KLC1: variants seen among roughly 807,000 people sequenced by gnomAD.
KLC1 encodes kinesin 2 60/70kDa.
In KLC1, 30 loss-of-function variants were observed where a neutral mutation model predicts 84.2. The observed-to-expected ratio is 0.36, with a 90% confidence interval of 0.27 to 0.48. KLC1 has a LOEUF of 0.48. Ranked by LOEUF, KLC1 falls within the 20% of genes least tolerant of loss-of-function variation. The pLI is 0.99. For synonymous variants in KLC1, 289 were observed against 293.3 expected (o/e 0.99, Z 0.15); for missense variants, 499 against 805.4 (o/e 0.62, Z 4.60).
At chr14:103,667,548 C>T (rs1460939263) in intron 5 of KLC1, among the ~76,000 whole-genome samples, 3 of 151,492 alleles carry the variant, frequency 2.0e-5, no homozygotes, top group Non-Finnish European at 4.4e-5. Context: ...GTTGCCCAGG[C>T]TTGTCTTGAA....
chr14:103,679,543 G>T lies in KLC1; in HGVS notation c.1648G>T (p.Gly550Trp), dbSNP rs772949267. 3.1e-6 allele frequency: 5 copies of T among 1,612,996 alleles called. No homozygotes were observed. In the Admixed American group the frequency reaches 8.3e-5, roughly 27 times the overall value. Residue 550 changes from glycine (G) to tryptophan (W), a missense_variant and splice_region_variant, in exon 13 of 17, where the codon GGG becomes TGG. By Grantham distance (184) the Gly-to-Trp change is radical. Coordinates refer to ENST00000334553, the MANE Select transcript of KLC1 (RefSeq NM_001394837.1). ...AGTGAGTATGAGCGTAGAGTGGAAC[G>T]GGGTAAGTACAGTACACAGCGGGCA... ...EEVSMSVEWN[G>W]DGTGSLKRSG...
At chr14:103,660,494 A>C (rs955185567) in intron 3 of KLC1, among the ~76,000 whole-genome samples, 7 of 151,056 alleles carry the variant, frequency 4.6e-5, no homozygotes, top group Middle Eastern at 3.4e-3. Flanking sequence ...AAAGAAAAAA[A>C]AAAAAAAAAT....
intron 15 of KLC1, chr14:103,696,831 C>T: frequency 1.0e-6 from 1 of 985,438 alleles, no homozygotes; most frequent in Non-Finnish European, 1.2e-6. Context: ...ATGGCCCTGG[C>T]CTGGAACTGT....
At chr14:103,660,850 T>G (rs1354774295) in intron 3 of KLC1, among the ~76,000 whole-genome samples, 2 of 151,782 alleles carry the variant, frequency 1.3e-5, no homozygotes, top group African/African-American at 4.8e-5. Flanking sequence ...TGCTCTAGAG[T>G]GCTATGGAAA....
intron 15 of KLC1, chr14:103,699,159 C>T (rs2082868837): frequency 1.9e-6 from 3 of 1,569,990 alleles, no homozygotes; most frequent in Non-Finnish European, 1.7e-6. Context: ...CTGCGCCCTG[C>T]TCCTCCATGG....
intron 12 of KLC1, 178 bp from the exon 13 acceptor site, chr14:103,679,206 G>T (rs754973753): frequency 1.8e-5 from 13 of 729,082 alleles, no homozygotes; most frequent in Non-Finnish European, 2.4e-5. Context: ...GGGGTCCTTT[G>T]TGTTTCCAGT....
chr14:103,679,912 T>G (rs997123015), intron 13 of KLC1: 2 of 188,846 alleles, frequency 1.1e-5, no homozygotes, highest in Non-Finnish European at 2.2e-5. Context: ...TGCTCCTAAC[T>G]TCACTGACCA....
At chr14:103,660,750 C>G (rs920590675) in intron 3 of KLC1, among the ~76,000 whole-genome samples, 1 of 151,988 alleles carries the variant, frequency 6.6e-6, no homozygotes, top group Non-Finnish European at 1.5e-5. Flanking sequence ...AAGATCATGC[C>G]GCTGTACTCC....
In KLC1 at chr14:103,662,815, T is replaced by C; in HGVS notation, c.685T>C (p.Tyr229His). 6.2e-7 allele frequency: 1 copy of C among 1,612,542 alleles called. No homozygotes were observed. ...LVIQYASQGR[Y>H]EVAVPLCKQA... Reference sequence around the variant, plus strand: ...GATCCAGTACGCCTCGCAGGGGCGCTACGAGGTAGCTGTGCCCCTCTGCAA... The same window carrying C: ...GATCCAGTACGCCTCGCAGGGGCGCCACGAGGTAGCTGTGCCCCTCTGCAA... The change falls in exon 5 of 17, where the codon TAC becomes CAC. Residue 229 changes from tyrosine to histidine, a missense_variant. Tyr to His is a moderately conservative substitution (Grantham distance 83). Coordinates refer to ENST00000334553, the MANE Select transcript of KLC1 (RefSeq NM_001394837.1).
intron 9 of KLC1, among the ~76,000 whole-genome samples, chr14:103,674,405 C>T (rs796713570): frequency 3.4e-5 from 5 of 146,306 alleles, no homozygotes; most frequent in Admixed American, 2.1e-4. Context: ...AATATTGATT[C>T]GTATGCTTGT....
At chr14:103,633,521 G>T (rs1314838985) in intron 1 of KLC1, among the ~76,000 whole-genome samples, 1 of 152,136 alleles carries the variant, frequency 6.6e-6, no homozygotes, top group Non-Finnish European at 1.5e-5. Context: ...GAAGCTAGGT[G>T]GGGGCAGGGG....
chr14:103,696,091 C>CGGGGGGGGGGGGGGGGGGGGGGCG, intron 15 of KLC1: 1 of 744,682 alleles, frequency 1.3e-6, no homozygotes, highest in Non-Finnish European at 1.5e-6. Flanking sequence ...ATAATCACTG[C>CGGGGGGGGGGGGGGGGGGGGGGCG]GCCCCCGCCC....
chr14:103,695,693 G>A (rs1046037732), intron 15 of KLC1: 11 of 985,460 alleles, frequency 1.1e-5, no homozygotes, highest in Admixed American at 6.1e-5. Context: ...GTGCAGACGA[G>A]GTTGTGTGGG....
intron 3 of KLC1, among the ~76,000 whole-genome samples, chr14:103,660,721 T>G (rs974428650): frequency 3.4e-5 from 5 of 147,862 alleles, no homozygotes; most frequent in Admixed American, 2.0e-4. Context: ...AACCTGGGAG[T>G]TGGAGGTTGC....
In KLC1 at chr14:103,694,766, T is replaced by G; in HGVS notation, c.1848+2341T>G. 1 of 985,488 alleles carries G rather than the reference T, an allele frequency of 1.0e-6. No individual in the cohort carries two copies. The highest frequency in any genetic ancestry group is 1.2e-6 in the Non-Finnish European group (1 of 829,944). The allele number at this position is 985,488 out of a possible 1,614,324, so 61.0% of individuals were successfully genotyped here. A position where few individuals can be genotyped will look rare whatever the true frequency, so the allele number is the denominator to read the frequency against. On this transcript the variant is annotated intron_variant, in intron 15 of 16. Coordinates refer to ENST00000334553, the MANE Select transcript of KLC1 (RefSeq NM_001394837.1). This position sits in a 1 kb window ranked among gnomAD's most constrained non-coding sequence, Gnocchi z 4.5. ...GTGGCACAGCAGAGGCTCACACTTG[T>G]CACCTTCAGCCTCTAGAAGCTCCCC...
chr14:103,650,494 G>A (rs1370416999), intron 1 of KLC1, among the ~76,000 whole-genome samples: 1 of 151,954 alleles, frequency 6.6e-6, no homozygotes, highest in East Asian at 1.9e-4. Flanking sequence ...CTGGCAAAAT[G>A]TTTGAGTCAA....
intron 5 of KLC1, among the ~76,000 whole-genome samples, chr14:103,663,895 A>G (rs1006164020): frequency 5.9e-5 from 9 of 152,190 alleles, no homozygotes; most frequent in African/African-American, 2.2e-4. Context: ...TTGAAGAGAA[A>G]TGCGGTGATA....
chr14:103,646,494 T>A (rs2151408400), intron 1 of KLC1, among the ~76,000 whole-genome samples: 1 of 152,186 alleles, frequency 6.6e-6, no homozygotes, highest in Non-Finnish European at 1.5e-5. Context: ...TAAAATATTA[T>A]ATGTATGCAT....
chr14:103,662,103 G>A lies in KLC1; in HGVS notation c.493-13G>A, dbSNP rs763917550. The A allele has an allele frequency of 2.5e-6, 4 of 1,604,132 alleles. No homozygotes were observed. Among genetic ancestry groups the A allele is most frequent in the Admixed American group, 1.7e-5 (1 of 59,986 alleles). ...CGTGTAAGATGAAGTGTTGTCCTGGGTCTGTTTTATAGGAGGACAAAGACA... is the reference window on the plus strand; with the variant it reads ...CGTGTAAGATGAAGTGTTGTCCTGGATCTGTTTTATAGGAGGACAAAGACA... On this transcript the variant is annotated splice_polypyrimidine_tract_variant and intron_variant, in intron 3 of 16. Transcript: ENST00000334553.
Sources: allele counts gnomAD v4.1 joint callset (sites outside exome capture counted in the v4.1 genomes callset), GRCh38; gene constraint gnomAD v4.1.1; non-coding constraint Gnocchi (gnomAD v3.1); transcripts MANE v1.5; gene names NCBI Gene and HGNC (gene_info 2026-07-23, HGNC 2026-07-21).